The following PHEX variants were observed in gnomAD, a reference collection of about 807,000 sequenced individuals.
PHEX encodes phosphate-regulating neutral endopeptidase PHEX.
PHEX carries 16 observed loss-of-function variants against 68.0 expected under a neutral mutation model. That is an observed-to-expected ratio of 0.24 (90% confidence interval 0.16 to 0.36). The LOEUF is 0.36. PHEX is among the 10% of genes least tolerant of loss of function. The pLI, the probability that PHEX is intolerant of heterozygous loss-of-function variation, is 1.00. For synonymous variants in PHEX, 208 were observed against 205.1 expected, an observed-to-expected ratio of 1.01 and a Z score of -0.12; for missense variants, 480 against 575.5, an observed-to-expected ratio of 0.83 and a Z score of 1.70.
At chrX:22,054,159 A>G (rs997101807) in intron 3 of PHEX, among the ~76,000 whole-genome samples, 1 of 111,162 alleles carries the variant, frequency 9.0e-6, no homozygotes, top group Non-Finnish European at 1.9e-5. Flanking sequence ...TTTGAGATGG[A>G]GTTTCACTCT....
At position 22,167,491 on chromosome X, in the gene PHEX, C is replaced by CTTT. The variant is rs1164658740; in HGVS notation, c.1405-806_1405-804dup. On this transcript the variant is annotated intron_variant, in intron 12 of 21. Transcript: ENST00000379374. The stretch of plus-strand genomic sequence containing the variant: ...TTTTCCCTTTTTAATTTTTTAATTT[C>CTTT]TTTTTTTTTTTTTTTTTGGAGACAG... Among the ~76,000 whole-genome samples the CTTT allele has an allele frequency of 9.8e-3, 821 of 84,040 alleles. 54 individuals carry two copies. In the East Asian group the frequency reaches 0.19, roughly 19 times the overall value. 73.0% of individuals were successfully genotyped at this position (84,040 alleles called of 115,157 possible). A position where few individuals can be genotyped will look rare whatever the true frequency, so the allele number is the denominator to read the frequency against.
intron 12 of PHEX, 97 bp from the exon 13 acceptor site, chrX:22,168,215 T>G: frequency 1.5e-6 from 1 of 646,066 alleles, no homozygotes; most frequent in African/African-American, 2.1e-5. Flanking sequence ...ATTCAGTAAA[T>G]GGAGTTTTCA....
intron 21 of PHEX, among the ~76,000 whole-genome samples, chrX:22,245,811 C>CT (rs761508053): frequency 7.1e-5 from 8 of 112,062 alleles, no homozygotes; most frequent in African/African-American, 1.9e-4. Context: ...CAACTGCTTA[C>CT]TTTTTTGTCC....
chrX:22,126,119 T>A (rs1364764509), intron 11 of PHEX, among the ~76,000 whole-genome samples: 1 of 112,216 alleles, frequency 8.9e-6, no homozygotes, highest in East Asian at 2.8e-4. Context: ...ACATGAGATA[T>A]GAAATCATAA....
chrX:22,139,227 GA>G (rs1932355467), intron 12 of PHEX, among the ~76,000 whole-genome samples: 1 of 111,686 alleles, frequency 9.0e-6, no homozygotes, highest in African/African-American at 3.3e-5. Context: ...TGGAGCATGA[GA>G]AAGGCTCCCC....
intron 3 of PHEX, among the ~76,000 whole-genome samples, chrX:22,075,694 A>G (rs746027351): frequency 1.8e-5 from 2 of 111,887 alleles, no homozygotes; most frequent in African/African-American, 6.5e-5. Flanking sequence ...AAACATTATT[A>G]TTAGTGATTT....
At chrX:22,119,714 T>G (rs1441818512) in intron 11 of PHEX, among the ~76,000 whole-genome samples, 3 of 108,563 alleles carry the variant, frequency 2.8e-5, no homozygotes, top group Non-Finnish European at 5.7e-5. Context: ...TGCCTCAGCC[T>G]CATGAGTAGC....
intron 9 of PHEX, chrX:22,099,422 G>A (rs1930317251): frequency 3.0e-6 from 1 of 328,669 alleles, no homozygotes; most frequent in Admixed American, 5.0e-5. Context: ...TGAGCTTGGG[G>A]AGCTAGTCAT....
intron 21 of PHEX, among the ~76,000 whole-genome samples, chrX:22,247,566 T>A (rs1194708893): frequency 8.9e-6 from 1 of 112,417 alleles, no homozygotes; most frequent in African/African-American, 3.2e-5. Flanking sequence ...ATAAAGTTTT[T>A]AAAAAGTTAG....
intron 20 of PHEX, among the ~76,000 whole-genome samples, chrX:22,243,424 TGACAAATG>T (rs1485916331): frequency 8.9e-6 from 1 of 111,767 alleles, no homozygotes; most frequent in East Asian, 2.8e-4. Flanking sequence ...AAGCCAAAAT[TGACAAATG>T]GAATCTAATT....
intron 14 of PHEX, among the ~76,000 whole-genome samples, chrX:22,181,246 A>G (rs901069323): frequency 1.8e-5 from 2 of 111,940 alleles, no homozygotes; most frequent in Non-Finnish European, 3.8e-5. Flanking sequence ...CTCTTTTCTC[A>G]ACAACCTCAC....
At chrX:22,239,001 C>T (rs1208134798) in intron 20 of PHEX, among the ~76,000 whole-genome samples, 2 of 111,672 alleles carry the variant, frequency 1.8e-5, no homozygotes, top group Non-Finnish European at 3.8e-5. Flanking sequence ...TGGCAGGTGC[C>T]CCTCTGTGGA....
chrX:22,136,837 C>T (rs1932252542), intron 12 of PHEX, among the ~76,000 whole-genome samples: 1 of 111,589 alleles, frequency 9.0e-6, no homozygotes, highest in African/African-American at 3.3e-5. Flanking sequence ...TTTGTTTTCT[C>T]TGTCTCCCTG....
At chrX:22,226,773 T>C (rs1489822833) in intron 19 of PHEX, among the ~76,000 whole-genome samples, 1 of 111,853 alleles carries the variant, frequency 8.9e-6, no homozygotes. Context: ...TTTTAGAAAA[T>C]ACATTCACCA....
intron 11 of PHEX, 24 bp from the exon 12 acceptor site, chrX:22,133,499 C>T (rs377278687): frequency 4.4e-6 from 5 of 1,142,556 alleles, no homozygotes; most frequent in Non-Finnish European, 6.0e-6. Context: ...CTTTGACGTT[C>T]CCTCTTTGGG....
intron 5 of PHEX, among the ~76,000 whole-genome samples, chrX:22,080,483 T>G (rs1437423111): frequency 9.0e-6 from 1 of 111,696 alleles, no homozygotes; most frequent in Non-Finnish European, 1.9e-5. Context: ...AGTTCGAGCA[T>G]GTATCTGGAG....
intron 3 of PHEX, among the ~76,000 whole-genome samples, chrX:22,053,966 C>T (rs1927956834): frequency 9.0e-6 from 1 of 110,998 alleles, no homozygotes; most frequent in Non-Finnish European, 1.9e-5. Context: ...GTAAATGATC[C>T]TAGCCAAATC....
chrX:22,092,844 G>T (rs1319928010), intron 6 of PHEX, among the ~76,000 whole-genome samples: 1 of 101,677 alleles, frequency 9.8e-6, no homozygotes, highest in African/African-American at 3.8e-5. Context: ...CCGCCTCCTG[G>T]GTTCAAGCGA....
intron 11 of PHEX, among the ~76,000 whole-genome samples, chrX:22,122,477 C>T (rs866575980): frequency 9.0e-6 from 1 of 111,573 alleles, no homozygotes; most frequent in Non-Finnish European, 1.9e-5. Flanking sequence ...TGATTTTCTG[C>T]AAAGTTGCAT....
Sources: gnomAD v4.1 joint callset for allele counts (sites outside exome capture counted in the v4.1 genomes callset) on GRCh38, gnomAD v4.1.1 for gene constraint, MANE v1.5 for transcripts, NCBI Gene and HGNC (gene_info 2026-07-23, HGNC 2026-07-21) for gene names.